TRMT44: variants seen among roughly 807,000 people sequenced by gnomAD.
The protein encoded by TRMT44 is probable tRNA (uracil-O(2)-)-methyltransferase.
Under a neutral mutation model 77.3 loss-of-function variants are expected in TRMT44, and 78 were observed. That is an observed-to-expected ratio of 1.01 (90% CI 0.84 to 1.22). TRMT44 has a LOEUF of 1.22. Among genes scored for constraint, TRMT44 ranks in the 50% most tolerant of loss-of-function variants. The pLI, the probability that TRMT44 is intolerant of heterozygous loss-of-function variation, is 0.00. For synonymous variants in TRMT44, 391 were observed against 383.3 expected, an observed-to-expected ratio of 1.02 and a Z score of -0.23; for missense variants, 1,090 against 964.4, an observed-to-expected ratio of 1.13 and a Z score of -1.73.
intron 2 of TRMT44, among the ~76,000 whole-genome samples, chr4:8,485,533 C>A (rs149596742): frequency 6.6e-6 from 1 of 151,812 alleles, no homozygotes; most frequent in South Asian, 2.1e-4. Flanking sequence ...TGGCATTGAG[C>A]GGGGTAAGGG....
intron 7 of TRMT44, 148 bp downstream of exon 7, chr4:8,464,239 C>A: frequency 1.7e-6 from 1 of 602,170 alleles, no homozygotes; most frequent in Non-Finnish European, 2.9e-6. Context: ...TTGCTTATTG[C>A]CTGTATTGGG....
chr4:8,464,475 C>T (rs76853080), intron 7 of TRMT44, among the ~76,000 whole-genome samples: 1,611 of 152,322 alleles, frequency 0.011, 34 homozygotes, highest in African/African-American at 0.037. Context: ...ATCTACCCAT[C>T]GATAGACCCT....
At position 8,440,828 on chromosome 4, in the gene TRMT44, T is replaced by A; in HGVS notation, c.6T>A (p.Ala2=). 1 of 1,471,910 alleles carries A rather than the reference T, an allele frequency of 6.8e-7. No homozygotes were observed. Among genetic ancestry groups the A allele is most frequent in the Non-Finnish European group, 9.0e-7 (1 of 1,114,622 alleles). The allele number at this position is 1,471,910 out of a possible 1,614,324, so 91.2% of individuals were successfully genotyped here. The part of the protein sequence containing the change: M[A]EVGRTGISYP... ...CTGTACACCTGCTGGCTGCCATGGC[T>A]GAGGTGGGCCGTACCGGGATCAGCT... Residue 2 remains alanine, a synonymous_variant, in exon 1 of 11, where the codon GCT becomes GCA. Coordinates refer to ENST00000389737, the MANE Select transcript of TRMT44 (RefSeq NM_152544.3).
In TRMT44 at chr4:8,476,009, C is replaced by T; in HGVS notation, c.*8C>T. Reference sequence around the variant, plus strand: ...AGGAAGAAGATTTCATGAGCTGCATCCTTGCCAGCCGAGGCCTGGTTGGGG... The same window carrying T: ...AGGAAGAAGATTTCATGAGCTGCATTCTTGCCAGCCGAGGCCTGGTTGGGG... On this transcript the variant is annotated 3_prime_UTR_variant, in exon 11 of 11. Coordinates refer to ENST00000389737, the MANE Select transcript of TRMT44 (RefSeq NM_152544.3). 1.9e-6 allele frequency: 3 copies of T among 1,612,506 alleles called. No individual in the cohort carries two copies. The highest frequency in any genetic ancestry group is 2.5e-6 in the Non-Finnish European group (3 of 1,179,148).
intron 3 of TRMT44, among the ~76,000 whole-genome samples, chr4:8,450,890 C>T (rs950996527): frequency 4.7e-5 from 7 of 150,038 alleles, no homozygotes; most frequent in East Asian, 3.9e-4. Flanking sequence ...CTCAACCTCC[C>T]GGGCTCAAGC....
chr4:8,515,379 C>T, the TRMT44 span, among the ~76,000 whole-genome samples: 3,229 of 152,338 alleles, frequency 0.021, 46 homozygotes, highest in Non-Finnish European at 0.033. Context: ...CGAAGGGCAG[C>T]GGTGAACAGC....
At chr4:8,493,850 C>T (rs1018458950), downstream of TRMT44, among the ~76,000 whole-genome samples, 18 of 151,826 alleles carry the variant, frequency 1.2e-4, no homozygotes, top group African/African-American at 4.4e-4. Context: ...GCGAGCATAA[C>T]CACCTCTGAT....
intron 2 of TRMT44, among the ~76,000 whole-genome samples, chr4:8,483,061 T>G (rs540685414): frequency 8.9e-4 from 135 of 152,128 alleles, no homozygotes; most frequent in African/African-American, 3.2e-3. Flanking sequence ...GAAGAAACAT[T>G]TGTTGTGTAG....
intron 9 of TRMT44, chr4:8,470,800 C>T (rs1303755756): frequency 1.2e-5 from 3 of 256,962 alleles, no homozygotes; most frequent in South Asian, 1.7e-4. Context: ...TTGAGGTGAC[C>T]ACCCAGAGCA....
chr4:8,497,734 T>C (rs1045276131), downstream of TRMT44, among the ~76,000 whole-genome samples: 1 of 152,254 alleles, frequency 6.6e-6, no homozygotes, highest in African/African-American at 2.4e-5. Flanking sequence ...GGTGTGTACC[T>C]TAAAATAAAC....
the TRMT44 span, among the ~76,000 whole-genome samples, chr4:8,503,713 C>T: frequency 6.6e-6 from 1 of 152,216 alleles, no homozygotes; most frequent in African/African-American, 2.4e-5. Context: ...ACAGAATTCC[C>T]GTCCAGAAGC....
At chr4:8,442,716 C>T (rs1351638405) in intron 1 of TRMT44, among the ~76,000 whole-genome samples, 1 of 152,196 alleles carries the variant, frequency 6.6e-6, no homozygotes, top group African/African-American at 2.4e-5. Context: ...TGTTCCCTTG[C>T]TGGCTGTCAG....
In TRMT44 at chr4:8,444,014, AG is replaced by A. The variant is rs201988883; in HGVS notation, c.620-2460del. ...ATCTTAACTGTTAGTAGCAGGTGAC[AG>A]GATGACATAGTGGTTAAGAACTTGA... On this transcript the variant is annotated intron_variant, in intron 1 of 10. Coordinates refer to ENST00000389737, the MANE Select transcript of TRMT44 (RefSeq NM_152544.3). The surrounding 1 kb of genome is among the most constrained non-coding windows in gnomAD (Gnocchi z 4.0). Among the ~76,000 whole-genome samples the A allele has an allele frequency of 0.012, 1,765 of 152,226 alleles. 17 individuals carry two copies. The highest frequency in any genetic ancestry group is 0.02 in the Non-Finnish European group (1,346 of 67,996).
At chr4:8,485,993 G>C (rs191452162) in intron 2 of TRMT44, among the ~76,000 whole-genome samples, 1 of 152,188 alleles carries the variant, frequency 6.6e-6, no homozygotes, top group Non-Finnish European at 1.5e-5. Context: ...AAAGCTTGGC[G>C]TTGGTGATGG....
rs138869734 is a variant in TRMT44, at chr4:8,488,364, G to A, written n.3892-4902G>A. On this transcript the variant is annotated intron_variant and non_coding_transcript_variant, in intron 2 of 2. Transcript: ENST00000511366. Reference sequence around the variant, plus strand: ...GTGGGCTGAGTCCAAAAGAGTCAGCGAAGGGAGATAGGGGTGGGGCCGTTT... The same window carrying A: ...GTGGGCTGAGTCCAAAAGAGTCAGCAAAGGGAGATAGGGGTGGGGCCGTTT... Among the ~76,000 whole-genome samples the A allele has an allele frequency of 8.9e-3, 1,349 of 152,318 alleles. 22 individuals carry two copies. Among genetic ancestry groups the A allele is most frequent in the African/African-American group, 0.031 (1,280 of 41,574 alleles).
Position 8,461,400 on chromosome 4 carries a change from T to C in TRMT44, c.1204-2585T>C, listed in dbSNP as rs1178299708. Among the ~76,000 whole-genome samples the C allele has an allele frequency of 6.6e-6, 1 of 152,120 alleles. No individual in the cohort carries two copies. Among genetic ancestry groups the C allele is most frequent in the Non-Finnish European group, 1.5e-5 (1 of 68,026 alleles). ...GATCAAAGCTAAAGCAGTAGTGGTG[T>C]GGTTGATTTCAAAATTCCATGTGTC... On this transcript the variant is annotated intron_variant, in intron 6 of 10. Coordinates refer to ENST00000389737, the MANE Select transcript of TRMT44 (RefSeq NM_152544.3). The surrounding 1 kb of genome is among the most constrained non-coding windows in gnomAD (Gnocchi z 4.6).
chr4:8,448,816 C>T (rs1036108638), intron 2 of TRMT44, among the ~76,000 whole-genome samples: 2 of 152,240 alleles, frequency 1.3e-5, no homozygotes, highest in African/African-American at 2.4e-5. Flanking sequence ...TTGTCCCCTC[C>T]AGTGGGGCCA....
chr4:8,452,064 G>T lies in TRMT44; in HGVS notation c.1023+36G>T. The T allele has an allele frequency of 6.6e-7, 1 of 1,521,198 alleles. No homozygotes were observed. Among genetic ancestry groups the T allele is most frequent in the African/African-American group, 1.4e-5 (1 of 72,782 alleles). The allele number at this position is 1,521,198 out of a possible 1,614,324, so 94.2% of individuals were successfully genotyped here. On this transcript the variant is annotated intron_variant, in intron 4 of 10. Transcript: ENST00000389737. The surrounding 1 kb of genome is among the most constrained non-coding windows in gnomAD (Gnocchi z 5.7). ...AAGCGACCTCAGCTTCTCTGGAGTG[G>T]GTGGAGTTTGCTACAGGCAGATGTT...
At position 8,475,910 on chromosome 4, in the gene TRMT44, G is replaced by T. The variant is rs1331521146; in HGVS notation, c.2183G>T (p.Gly728Val). Residue 728 changes from glycine to valine, a missense_variant, in exon 11 of 11, where the codon GGC becomes GTC. Transcript: ENST00000389737. ...LCWFFMHHPD[G>V]CALSTDCCPF... Reference sequence around the variant, plus strand: ...TGGTTCTTCATGCATCACCCTGATGGCTGCGCTCTGTCCACGGACTGCTGC... The same window carrying T: ...TGGTTCTTCATGCATCACCCTGATGTCTGCGCTCTGTCCACGGACTGCTGC... 2 of 1,614,162 alleles carry T rather than the reference G, an allele frequency of 1.2e-6. No homozygotes were observed. Among genetic ancestry groups the T allele is most frequent in the South Asian group, 1.1e-5 (1 of 91,080 alleles).
Sources: allele counts gnomAD v4.1 joint callset (sites outside exome capture counted in the v4.1 genomes callset), GRCh38; gene constraint gnomAD v4.1.1; non-coding constraint Gnocchi (gnomAD v3.1); transcripts MANE v1.5; gene names NCBI Gene and HGNC (gene_info 2026-07-23, HGNC 2026-07-21).